The following PLEC variants were observed in gnomAD, a reference collection of about 807,000 sequenced individuals.
PLEC encodes the protein hemidesmosomal protein 1.
In PLEC, 216 loss-of-function variants were observed where a neutral mutation model predicts 392.8. The observed-to-expected ratio is 0.55, with a 90% confidence interval of 0.49 to 0.62. The LOEUF is 0.62. Ranked by LOEUF, PLEC falls within the 20% of genes least tolerant of loss-of-function variation. The pLI, the probability that PLEC is intolerant of heterozygous loss-of-function variation, is 0.00. For missense variants in PLEC, 6,863 were observed against 6,563.4 expected (o/e 1.05, Z -1.58); for synonymous variants, 3,621 against 2,980.6 (o/e 1.21, Z -7.00).
chr8:143,959,287 C>G (rs1223459111), intron 1 of PLEC, among the ~76,000 whole-genome samples: 1 of 152,220 alleles, frequency 6.6e-6, no homozygotes, highest in Non-Finnish European at 1.5e-5. Context: ...GCTTCAAACG[C>G]AGTTAAAAGA....
In PLEC at chr8:143,930,544, GGAGGGGCAGCATCCAGAC is replaced by G. The variant is rs1341821580; in HGVS notation, c.2305-26_2305-9del. 1.3e-6 allele frequency: 2 copies of G among 1,582,124 alleles called. No individual in the cohort carries two copies. Among genetic ancestry groups the G allele is most frequent in the Non-Finnish European group, 1.7e-6 (2 of 1,164,554 alleles). ...CAGCTGTTCCTTCTCGTCCTGTGGG[GGAGGGGCAGCATCCAGAC>G]GAGGGCCATGGAGACCCACAGGCCT... On this transcript the variant is annotated splice_polypyrimidine_tract_variant and intron_variant, in intron 19 of 31. Coordinates refer to ENST00000345136, the MANE Select transcript of PLEC (RefSeq NM_201384.3).
At chr8:143,975,247 G>T, upstream of PLEC, 2 of 1,607,752 alleles carry the variant, frequency 1.2e-6, no homozygotes, top group Non-Finnish European at 1.7e-6. This position sits in a 1 kb window ranked among gnomAD's most constrained non-coding sequence, Gnocchi z 9.9. Flanking sequence ...CACCCCCGCT[G>T]CGCCGGCTCC....
At chr8:143,941,869 C>A (rs2132437618), upstream of PLEC, among the ~76,000 whole-genome samples, 1 of 152,304 alleles carries the variant, frequency 6.6e-6, no homozygotes, top group African/African-American at 2.4e-5. Flanking sequence ...GGCTGCTGAC[C>A]CTCGGCCGCC....
At chr8:143,929,344 G>A (rs1194832739) in intron 24 of PLEC, 63 bp from the exon 25 acceptor site, 3 of 1,511,152 alleles carry the variant, frequency 2.0e-6, no homozygotes, top group African/African-American at 1.4e-5. Context: ...CCCCTTGAAG[G>A]CCAAAGGAGG....
rs782205558 is a variant in PLEC, at chr8:143,935,952, C to G, written c.498G>C (p.Leu166=). The G allele has an allele frequency of 6.2e-7, 1 of 1,612,904 alleles. No homozygotes were observed. Among genetic ancestry groups the G allele is most frequent in the South Asian group, 1.1e-5 (1 of 91,090 alleles). ...EDMTAKEKLL[L]WSQRMVEGYQ... ...ACCCCTCCACCATTCGCTGCGACCA[C>G]AGCAGCAGCTTCTCCTTGGCCGTCA... Residue 166 remains leucine (L), a synonymous_variant, in exon 6 of 32, where the codon CTG becomes CTC. Transcript: ENST00000345136.
upstream of PLEC, among the ~76,000 whole-genome samples, chr8:143,941,242 GCA>G (rs1415198956): frequency 6.6e-6 from 1 of 152,196 alleles, no homozygotes; most frequent in Admixed American, 6.5e-5. Context: ...CTCTGCTGAG[GCA>G]CAGTGTGAGA....
rs138924815 is a variant in PLEC at position 143,934,868 on chromosome 8, C to T, written c.887G>A (p.Arg296Gln). The T allele has an allele frequency of 0.014, 23,119 of 1,611,316 alleles. 196 individuals are homozygous for T. Among genetic ancestry groups the T allele is most frequent in the Middle Eastern group, 0.031 (190 of 6,062 alleles). The change falls in exon 9 of 32, where the codon CGA becomes CAA. Residue 296 changes from arginine (R) to glutamine (Q), a missense_variant. Arg to Gln is a conservative substitution (Grantham distance 43). Transcript: ENST00000345136. Reference sequence around the variant, plus strand: ...TTCCTCAAAGGCGGCCGTGTGGTGTCGCATCCACTGAAGCAGCAGCAGCAC... The same window carrying T: ...TTCCTCAAAGGCGGCCGTGTGGTGTTGCATCCACTGAAGCAGCAGCAGCAC... ...ELVLLLLQWM[R>Q]HHTAAFEERR...
upstream of PLEC, among the ~76,000 whole-genome samples, chr8:143,952,212 GCGCA>G (rs1564213669): frequency 2.2e-5 from 3 of 137,090 alleles, no homozygotes; most frequent in African/African-American, 8.3e-5. Context: ...ACACACACGC[GCGCA>G]CACACGCACG....
chr8:143,956,185 T>C (rs1832584122), upstream of PLEC, among the ~76,000 whole-genome samples: 1 of 152,160 alleles, frequency 6.6e-6, no homozygotes, highest in Admixed American at 6.6e-5. Flanking sequence ...TGACCTCAGG[T>C]GATCCACCCG....
At position 143,933,215 on chromosome 8, in the gene PLEC, C is replaced by A. The variant is rs1228728894; in HGVS notation, c.1400G>T (p.Gly467Val). 6.2e-7 allele frequency: 1 copy of A among 1,612,710 alleles called. No individual in the cohort carries two copies. The highest frequency in any genetic ancestry group is 1.3e-5 in the African/African-American group (1 of 74,906). ...GGCCCACCTGCGGTACATCTGCTCG[C>A]CCTGCGGGTGCCGTCCATCCTTGAG... Reference protein sequence around the residue: ...QTLKDGRHPQGEQMYRRVYRL... With the variant: ...QTLKDGRHPQVEQMYRRVYRL... Residue 467 changes from glycine (G) to valine (V), a missense_variant, in exon 13 of 32, where the codon GGC (glycine) becomes GTC (valine). Coordinates refer to ENST00000345136, the MANE Select transcript of PLEC (RefSeq NM_201384.3).
upstream of PLEC, among the ~76,000 whole-genome samples, chr8:143,955,594 GT>G (rs782268602): frequency 2.8e-4 from 42 of 148,736 alleles, no homozygotes; most frequent in South Asian, 8.5e-4. Context: ...AAAAAATGCT[GT>G]TTTTTTTTTG....
In PLEC at chr8:143,918,921, G is replaced by A. The variant is rs1554676638; in HGVS notation, c.10900C>T (p.Gln3634Ter). 6.2e-7 allele frequency: 1 copy of A among 1,611,000 alleles called. No individual in the cohort carries two copies. The highest frequency in any genetic ancestry group is 8.5e-7 in the Non-Finnish European group (1 of 1,180,022). ...EIIEKTEIIR[Q>*]QGLASYDYVR... ...TAGTCGTAGGAGGCCAGACCCTGCT[G>A]GCGGATGATCTCTGTCTTCTCAATG... The change falls in exon 32 of 32, where the codon CAG becomes TAG. Residue 3634 changes from glutamine (Q) to a stop codon, truncating the protein, a stop_gained. Coordinates refer to ENST00000345136, the MANE Select transcript of PLEC (RefSeq NM_201384.3). LOFTEE classifies it high-confidence loss of function.
Position 143,917,292 on chromosome 8 carries a change from C to A in PLEC, c.12529G>T (p.Glu4177Ter). The change falls in exon 32 of 32, where the codon GAG becomes TAG. Residue 4177 changes from glutamate to a stop codon, truncating the protein, a stop_gained. Transcript: ENST00000345136. LOFTEE classifies it high-confidence loss of function. ...GAGGAGATGGTGATCTCCTCCCACT[C>A]GCACTCCTGCTCGGACAGCTCCAGG... ...TYLELSEQEC[E>*]WEEITISSSD... is the part of the protein sequence containing the mutation. 1 of 1,609,392 alleles carries A rather than the reference C, an allele frequency of 6.2e-7. No individual in the cohort carries two copies.
rs1554722763 is a variant in PLEC at position 143,935,874 on chromosome 8, G to A, written c.576C>T (p.Leu192=). The change falls in exon 6 of 32, where the codon CTC becomes CTT. Residue 192 remains leucine (L), a synonymous_variant. Transcript: ENST00000345136. ...TGTGCCGGTGGATGATGGCATTGAA[G>A]AGGCGGCCGTCTCTCCAGCTGGAGG... ...NFTSSWRDGR[L]FNAIIHRHKP... is the part of the protein sequence containing the mutation. 6.2e-7 allele frequency: 1 copy of A among 1,612,928 alleles called. No individual in the cohort carries two copies. Among genetic ancestry groups the A allele is most frequent in the East Asian group, 2.2e-5 (1 of 44,884 alleles).
intron 1 of PLEC, among the ~76,000 whole-genome samples, chr8:143,949,816 C>A (rs965565551): frequency 2.0e-5 from 3 of 152,092 alleles, no homozygotes; most frequent in Non-Finnish European, 4.4e-5. Context: ...CACCTCCTCG[C>A]ACACCCCCAC....
rs782020198 is a variant in PLEC, at chr8:143,922,187, C to T, written c.7634G>A (p.Arg2545Gln). 79 of 1,546,964 alleles carry T rather than the reference C, an allele frequency of 5.1e-5. 1 individual carries two copies. In the South Asian group the frequency reaches 5.1e-4, roughly 10 times the overall value. Residue 2545 changes from arginine to glutamine, a missense_variant, in exon 32 of 32, where the codon CGG (arginine) becomes CAG (glutamine). By Grantham distance (43) the Arg-to-Gln change is conservative (BLOSUM62 1). Transcript: ENST00000345136. ...QRQQQQMEQE[R>Q]QRLVASMEEA... ...CTCCATGCTGGCCACCAGCCGCTGC[C>T]GTTCCTGCTCCATCTGCTGCTGCTG...
rs781861513 is a variant in PLEC at position 143,922,211 on chromosome 8, T to C, written c.7610A>G (p.Gln2537Arg). ...CCGTTCCTGCTCCATCTGCTGCTGC[T>C]GCCGCTGCTGCTCCTCACGCAGCTG... ...AQQLREEQQR[Q>R]QQQMEQERQR... Residue 2537 changes from glutamine (Q) to arginine (R), a missense_variant, in exon 32 of 32, where the codon CAG (glutamine) becomes CGG (arginine). By Grantham distance (43) the Gln-to-Arg change is conservative (BLOSUM62 1). Transcript: ENST00000345136. 17 of 1,559,182 alleles carry C rather than the reference T, an allele frequency of 1.1e-5. No homozygotes were observed. The highest frequency in any genetic ancestry group is 4.7e-5 in the East Asian group (2 of 42,654).
Position 143,937,188 on chromosome 8 carries a change from G to A in PLEC, c.319C>T (p.Leu107=). ...ACCTGGCGGTGCCGGAGGTAGTCCA[G>A]GGCAATCTGGACATTCTGCAGCTTG... is the stretch of plus-strand genomic sequence containing the variant. The part of the protein sequence containing the change: ...FHKLQNVQIA[L]DYLRHRQVKL... The change falls in exon 4 of 32, where the codon CTG becomes TTG. Residue 107 remains leucine, a synonymous_variant. Coordinates refer to ENST00000345136, the MANE Select transcript of PLEC (RefSeq NM_201384.3). The A allele has an allele frequency of 6.2e-7, 1 of 1,612,750 alleles. No homozygotes were observed. The highest frequency in any genetic ancestry group is 1.1e-5 in the South Asian group (1 of 91,086).
At chr8:143,965,694 G>A (rs1833052797) in intron 1 of PLEC, among the ~76,000 whole-genome samples, 1 of 152,188 alleles carries the variant, frequency 6.6e-6, no homozygotes, top group South Asian at 2.1e-4. Context: ...TGAGGCCACA[G>A]GGCACCACTG....
Sources: gnomAD v4.1 joint callset for allele counts (sites outside exome capture counted in the v4.1 genomes callset) on GRCh38, gnomAD v4.1.1 for gene constraint, Gnocchi (gnomAD v3.1) non-coding constraint, MANE v1.5 for transcripts, NCBI Gene and HGNC (gene_info 2026-07-23, HGNC 2026-07-21) for gene names.